Variants in PARVA observed in about 807,000 individuals in gnomAD.
PARVA encodes parvin alpha.
Under a neutral mutation model 52.6 loss-of-function variants are expected in PARVA, and 25 were observed. That is an observed-to-expected ratio of 0.48 (90% CI 0.35 to 0.66). The LOEUF (loss-of-function observed/expected upper bound fraction) is 0.66, where lower values mean the gene tolerates loss of function less well. PARVA is among the 30% of genes least tolerant of loss of function. PARVA has a pLI of 0.01. For synonymous variants in PARVA, 185 were observed against 179.1 expected (o/e 1.03, Z -0.26); for missense variants, 373 against 450.9 (o/e 0.83, Z 1.56).
At chr11:12,390,556 GAGTA>G (rs1939644529) in intron 1 of PARVA, among the ~76,000 whole-genome samples, 1 of 152,178 alleles carries the variant, frequency 6.6e-6, no homozygotes, top group African/African-American at 2.4e-5. Flanking sequence ...GACCCTAGCT[GAGTA>G]AGTAAGGGGC....
chr11:12,463,534 G>A (rs193199683), intron 1 of PARVA, among the ~76,000 whole-genome samples: 184 of 152,264 alleles, frequency 1.2e-3, no homozygotes, highest in African/African-American at 4.2e-3. Context: ...ATCATATCAA[G>A]GGTACATAAC....
chr11:12,448,842 T>C (rs953538363), intron 1 of PARVA, among the ~76,000 whole-genome samples: 1 of 152,192 alleles, frequency 6.6e-6, no homozygotes, highest in African/African-American at 2.4e-5. Context: ...TCCAGAGATA[T>C]CAGCAGACGT....
intron 4 of PARVA, among the ~76,000 whole-genome samples, chr11:12,488,042 T>C (rs1311267173): frequency 6.6e-6 from 1 of 152,174 alleles, no homozygotes; most frequent in Non-Finnish European, 1.5e-5. Flanking sequence ...TCAGTAGATA[T>C]CAAATAACAT....
rs78698522 is a variant in PARVA at position 12,399,863 on chromosome 11, A to G, written c.136+22080A>G. Reference sequence around the variant, plus strand: ...ATTGTTGGAGCTTAGGTATGTTTTCAGTTATTTGCTGTCATAAAAATACAT... The same window carrying G: ...ATTGTTGGAGCTTAGGTATGTTTTCGGTTATTTGCTGTCATAAAAATACAT... On this transcript the variant is annotated intron_variant, in intron 1 of 12. Coordinates refer to ENST00000334956, the MANE Select transcript of PARVA (RefSeq NM_018222.5). Among the ~76,000 whole-genome samples the G allele has an allele frequency of 6.3e-3, 961 of 152,244 alleles. 8 individuals carry two copies. The highest frequency in any genetic ancestry group is 0.021 in the African/African-American group (876 of 41,558).
chr11:12,504,225 G>C, intron 5 of PARVA, 89 bp from the exon 6 acceptor site: 1 of 710,206 alleles, frequency 1.4e-6, no homozygotes, highest in East Asian at 2.7e-5. Flanking sequence ...AACTCTATCA[G>C]TGGGGTACTA....
chr11:12,516,359 G>A (rs7942181), intron 10 of PARVA, among the ~76,000 whole-genome samples: 1,638 of 152,294 alleles, frequency 0.011, 11 homozygotes, highest in Middle Eastern at 0.051. Flanking sequence ...AATGTCGGAT[G>A]TGCATCTGAC....
chr11:12,390,422 G>A (rs925255683), intron 1 of PARVA, among the ~76,000 whole-genome samples: 5 of 152,200 alleles, frequency 3.3e-5, no homozygotes, highest in Non-Finnish European at 7.3e-5. Context: ...ATTCTGAGCA[G>A]AGAATTCTTG....
At chr11:12,466,578 A>G (rs1396028521) in intron 1 of PARVA, among the ~76,000 whole-genome samples, 1 of 152,170 alleles carries the variant, frequency 6.6e-6, no homozygotes, top group Non-Finnish European at 1.5e-5. Flanking sequence ...TGCTGAGATT[A>G]CAGGCATAAG....
intron 1 of PARVA, among the ~76,000 whole-genome samples, chr11:12,388,815 A>G (rs914244305): frequency 3.3e-5 from 5 of 152,166 alleles, no homozygotes; most frequent in African/African-American, 1.2e-4. Context: ...ACAATTTTAT[A>G]GGCACATAAT....
chr11:12,378,691 CTG>C (rs1006542078), intron 1 of PARVA, among the ~76,000 whole-genome samples: 7 of 151,020 alleles, frequency 4.6e-5, no homozygotes, highest in African/African-American at 1.7e-4. Flanking sequence ...TCAAGAAGCA[CTG>C]TGGTGACTGG....
intron 1 of PARVA, among the ~76,000 whole-genome samples, chr11:12,413,887 A>G (rs1940027286): frequency 6.6e-6 from 1 of 152,242 alleles, no homozygotes; most frequent in Middle Eastern, 3.2e-3. Context: ...ACCAGAGAAC[A>G]AAGCAGTTTC....
At chr11:12,459,932 C>T (rs1440542687) in intron 1 of PARVA, among the ~76,000 whole-genome samples, 1 of 152,154 alleles carries the variant, frequency 6.6e-6, no homozygotes, top group East Asian at 1.9e-4. Context: ...TCAAATATCA[C>T]CTCCTTTTTA....
At chr11:12,513,442 G>A in intron 9 of PARVA, 82 bp downstream of exon 9, 2 of 1,263,932 alleles carry the variant, frequency 1.6e-6, no homozygotes, top group African/African-American at 1.5e-5. Context: ...CAGCTTGCGA[G>A]CTTCCTGCCA....
At position 12,398,603 on chromosome 11, in the gene PARVA, G is replaced by A. The variant is rs79477174; in HGVS notation, c.136+20820G>A. On this transcript the variant is annotated intron_variant, in intron 1 of 12. Coordinates refer to ENST00000334956, the MANE Select transcript of PARVA (RefSeq NM_018222.5). ...CCTGTGCCTAGCCCAGTGTCCTGGA[G>A]GGAGACAGACCTAATAGCTTGGTGA... Among the ~76,000 whole-genome samples the A allele has an allele frequency of 2.0e-3, 309 of 151,478 alleles. 1 individual carries two copies. Among genetic ancestry groups the A allele is most frequent in the Non-Finnish European group, 3.4e-3 (231 of 67,764 alleles).
intron 1 of PARVA, among the ~76,000 whole-genome samples, chr11:12,421,411 A>G (rs1940147935): frequency 6.6e-6 from 1 of 152,186 alleles, no homozygotes. Flanking sequence ...CATTTATCAG[A>G]TTCTTCCTCT....
intron 1 of PARVA, among the ~76,000 whole-genome samples, chr11:12,397,286 T>C (rs75659236): frequency 0.089 from 13,483 of 152,196 alleles, 728 homozygotes; most frequent in African/African-American, 0.14. Context: ...TGGACTTGAA[T>C]TCTTGGGCTC....
At chr11:12,512,234 T>C (rs890737427) in intron 8 of PARVA, among the ~76,000 whole-genome samples, 22 of 152,208 alleles carry the variant, frequency 1.4e-4, no homozygotes, top group African/African-American at 5.1e-4. Flanking sequence ...AAGGAAGACA[T>C]GCATGAACAC....
chr11:12,427,844 AACTGAGAGATG>A (rs1459442410), intron 1 of PARVA, among the ~76,000 whole-genome samples: 1 of 152,218 alleles, frequency 6.6e-6, no homozygotes, highest in Non-Finnish European at 1.5e-5. Context: ...CAGGTTCTCA[AACTGAGAGATG>A]AGGAAGCCTG....
In PARVA at chr11:12,532,150, G is replaced by A. The variant is rs1018250998; in HGVS notation, c.*4225G>A. Among the ~76,000 whole-genome samples, 1 of 152,102 alleles carries A rather than the reference G, an allele frequency of 6.6e-6. No homozygotes were observed. Among genetic ancestry groups the A allele is most frequent in the Non-Finnish European group, 1.5e-5 (1 of 68,028 alleles). ...ACAGCAATGCAGCCATGAGGGTGCT[G>A]CCCCCAAACCAAGCCTGATGACCTT... On this transcript the variant is annotated 3_prime_UTR_variant, in exon 13 of 13. Coordinates refer to ENST00000334956, the MANE Select transcript of PARVA (RefSeq NM_018222.5).
Sources: gnomAD v4.1 joint callset for allele counts (sites outside exome capture counted in the v4.1 genomes callset) on GRCh38, gnomAD v4.1.1 for gene constraint, MANE v1.5 for transcripts, NCBI Gene and HGNC (gene_info 2026-07-23, HGNC 2026-07-21) for gene names.